The following FLRT1 variants were observed in gnomAD, a reference collection of about 807,000 sequenced individuals.
The protein encoded by FLRT1 is leucine-rich repeat transmembrane protein FLRT1.
In FLRT1, 14 loss-of-function variants were observed where a neutral mutation model predicts 30.9. The observed-to-expected ratio is 0.45, with a 90% CI of 0.30 to 0.71. FLRT1 has a LOEUF of 0.71. Among genes scored for constraint, FLRT1 ranks in the 30% least tolerant of loss-of-function variants. The pLI, the probability that FLRT1 is intolerant of heterozygous loss-of-function variation, is 0.08. For synonymous variants in FLRT1, 368 were observed against 430.4 expected, an observed-to-expected ratio of 0.85 and a Z score of 1.80; for missense variants, 737 against 949.2, an observed-to-expected ratio of 0.78 and a Z score of 2.94.
chr11:64,050,339 C>A (rs1322159726), intron 1 of FLRT1, among the ~76,000 whole-genome samples: 1 of 152,228 alleles, frequency 6.6e-6, no homozygotes. Flanking sequence ...GCTCTTCCCA[C>A]TGACCCTTCT....
chr11:64,100,519 T>G (rs1167923100), intron 1 of FLRT1, among the ~76,000 whole-genome samples: 4 of 152,146 alleles, frequency 2.6e-5, no homozygotes, highest in African/African-American at 9.7e-5. Context: ...CACGGCATGG[T>G]CTCCACTCAC....
At chr11:64,062,460 C>A (rs1325804102) in intron 1 of FLRT1, among the ~76,000 whole-genome samples, 1 of 152,214 alleles carries the variant, frequency 6.6e-6, no homozygotes. Context: ...TCGCCTCACA[C>A]AGGGCTGCAG....
intron 1 of FLRT1, among the ~76,000 whole-genome samples, chr11:64,085,262 C>T (rs1203487913): frequency 2.0e-5 from 3 of 152,172 alleles, no homozygotes; most frequent in Non-Finnish European, 2.9e-5. Flanking sequence ...CTGGGCACCA[C>T]GGAGGTGGTT....
rs549443933 is a variant in FLRT1 at position 64,065,606 on chromosome 11, G to A, written c.-1038+29447G>A. ...AGATCAAGACCATCCTGGCTAACAC[G>A]GTGAAACCCAGTCTCTACTAAAAAA... On this transcript the variant is annotated intron_variant, in intron 1 of 2. Coordinates refer to ENST00000682287, the MANE Select transcript of FLRT1 (RefSeq NM_013280.5). 1.3e-3 allele frequency among the ~76,000 whole-genome samples: 183 copies of A among 137,894 alleles called. 1 individual carries two copies. Among genetic ancestry groups the A allele is most frequent in the Middle Eastern group, 3.7e-3 (1 of 270 alleles). 90.5% of individuals were successfully genotyped at this position (137,894 alleles called of 152,430 possible). A position where few individuals can be genotyped will look rare whatever the true frequency, so the allele number is the denominator to read the frequency against.
At chr11:64,066,578 C>T (rs937091831) in intron 1 of FLRT1, among the ~76,000 whole-genome samples, 1 of 150,818 alleles carries the variant, frequency 6.6e-6, no homozygotes, top group African/African-American at 2.4e-5. Context: ...ATGATCCTAC[C>T]TGTGAATAGC....
At chr11:64,114,604 C>T (rs1391517579) in intron 2 of FLRT1, among the ~76,000 whole-genome samples, 1 of 127,006 alleles carries the variant, frequency 7.9e-6, no homozygotes, top group African/African-American at 3.2e-5. Flanking sequence ...GGATGGTGGA[C>T]AGATGGATGG....
chr11:64,100,241 G>A (rs1944647962), intron 1 of FLRT1, among the ~76,000 whole-genome samples: 1 of 152,238 alleles, frequency 6.6e-6, no homozygotes, highest in Middle Eastern at 3.4e-3. Context: ...GGGCAGATTC[G>A]GCCAAAACGC....
chr11:64,066,842 G>A (rs140809205), intron 1 of FLRT1, among the ~76,000 whole-genome samples: 1 of 152,306 alleles, frequency 6.6e-6, no homozygotes, highest in East Asian at 1.9e-4. Flanking sequence ...GGCTCAGACT[G>A]TGAAGCAGAT....
At chr11:64,060,268 CCGGGAGCGG>C (rs1174618290) in intron 1 of FLRT1, among the ~76,000 whole-genome samples, 1 of 152,242 alleles carries the variant, frequency 6.6e-6, no homozygotes, top group Non-Finnish European at 1.5e-5. Context: ...CCCCAGAGCT[CCGGGAGCGG>C]CGGGAGGTCT....
intron 1 of FLRT1, among the ~76,000 whole-genome samples, chr11:64,095,822 G>A (rs1487444929): frequency 2.6e-5 from 4 of 152,240 alleles, no homozygotes; most frequent in Non-Finnish European, 5.9e-5. Context: ...GGGGCTCCAA[G>A]TCAGGGGTTG....
At chr11:64,046,307 C>T (rs1943582815) in intron 1 of FLRT1, among the ~76,000 whole-genome samples, 1 of 152,196 alleles carries the variant, frequency 6.6e-6, no homozygotes, top group Non-Finnish European at 1.5e-5. Context: ...AACTTAGTTG[C>T]TACTAGAGCC....
chr11:64,060,599 C>T (rs375213403), intron 1 of FLRT1: 69 of 152,334 alleles, frequency 4.5e-4, no homozygotes, highest in African/African-American at 1.6e-3. Context: ...CGCGCACAGC[C>T]TGAGGATTAG....
intron 1 of FLRT1, among the ~76,000 whole-genome samples, chr11:64,053,618 T>A (rs1282619640): frequency 2.6e-5 from 4 of 152,072 alleles, no homozygotes; most frequent in Non-Finnish European, 5.9e-5. Flanking sequence ...GTGGGGCCCC[T>A]ACCCTGGGGA....
In FLRT1 at chr11:64,082,430, AG is replaced by A. The variant is rs558514860; in HGVS notation, c.-1037-20762del. Among the ~76,000 whole-genome samples the A allele has an allele frequency of 1.7e-3, 254 of 151,942 alleles. 1 individual carries two copies. Among genetic ancestry groups the A allele is most frequent in the Non-Finnish European group, 3.0e-3 (205 of 67,930 alleles). On this transcript the variant is annotated intron_variant, in intron 1 of 2. Transcript: ENST00000682287. The surrounding 1 kb of genome is among the most constrained non-coding windows in gnomAD (Gnocchi z 4.5). ...GTGGGGGCGTCCTAAGGTGAGGGGCAGGCAGGTGAGGGGCTTGAGGGCAGGG... is the reference window on the plus strand; with the variant it reads ...GTGGGGGCGTCCTAAGGTGAGGGGCAGCAGGTGAGGGGCTTGAGGGCAGGG...
At chr11:64,071,619 C>T (rs1319759296) in intron 1 of FLRT1, among the ~76,000 whole-genome samples, 2 of 152,180 alleles carry the variant, frequency 1.3e-5, no homozygotes, top group African/African-American at 2.4e-5. Context: ...CAGGTTCTGT[C>T]GTATCACCTC....
chr11:64,087,882 G>T (rs982140503), intron 1 of FLRT1, among the ~76,000 whole-genome samples: 25 of 152,344 alleles, frequency 1.6e-4, no homozygotes, highest in African/African-American at 6.0e-4. Flanking sequence ...GGTACACAGG[G>T]CTTAGCTCCT....
rs775538870 is a variant in FLRT1 at position 64,117,019 on chromosome 11, C to A, written c.752C>A (p.Thr251Lys). 4.7e-5 allele frequency: 76 copies of A among 1,612,314 alleles called. No individual in the cohort carries two copies. Among genetic ancestry groups the A allele is most frequent in the Non-Finnish European group, 6.3e-5 (74 of 1,179,550 alleles). The change falls in exon 3 of 3, where the codon ACA (threonine) becomes AAA (lysine). Residue 251 changes from threonine to lysine, a missense_variant. Thr to Lys is a moderately conservative substitution (Grantham distance 78). Coordinates refer to ENST00000682287, the MANE Select transcript of FLRT1 (RefSeq NM_013280.5). Reference protein sequence around the residue: ...DDTFSRLQNLTELSLVRNSLA... With the variant: ...DDTFSRLQNLKELSLVRNSLA... ...ACCTTCAGCCGCCTACAGAACCTCA[C>A]AGAGCTCTCGCTGGTGCGCAATTCG...
At chr11:64,048,150 G>A (rs1485163090) in intron 1 of FLRT1, among the ~76,000 whole-genome samples, 2 of 152,196 alleles carry the variant, frequency 1.3e-5, no homozygotes, top group African/African-American at 2.4e-5. Context: ...CTGCCCCCAC[G>A]ACAGCTGCCT....
At chr11:64,116,093 A>AC in intron 2 of FLRT1, 126 bp from the exon 3 acceptor site, 1 of 961,656 alleles carries the variant, frequency 1.0e-6, no homozygotes, top group Non-Finnish European at 1.5e-6. Context: ...GCTTGACCTC[A>AC]CCCCGCAGGA....
Sources: gnomAD v4.1 joint callset for allele counts (sites outside exome capture counted in the v4.1 genomes callset) on GRCh38, gnomAD v4.1.1 for gene constraint, Gnocchi (gnomAD v3.1) non-coding constraint, MANE v1.5 for transcripts, NCBI Gene and HGNC (gene_info 2026-07-23, HGNC 2026-07-21) for gene names.